Variants in JAG2 observed in about 807,000 individuals in gnomAD.
The protein encoded by JAG2 is protein jagged-2.
Under a neutral mutation model 141.7 loss-of-function variants are expected in JAG2, and 46 were observed. The ratio of observed to expected loss-of-function variants is 0.32; its 90% CI spans 0.26 to 0.42. The LOEUF (loss-of-function observed/expected upper bound fraction) is 0.42, where lower values mean the gene tolerates loss of function less well. Among genes scored for constraint, JAG2 ranks in the 10% least tolerant of loss-of-function variants. The probability of loss-of-function intolerance (pLI) is 1.00; values close to 1 mark genes in which losing one functional copy is unlikely to be tolerated. For missense variants in JAG2, 1,500 were observed against 1,817.5 expected, an observed-to-expected ratio of 0.83 and a Z score of 3.18; for synonymous variants, 862 against 763.5, an observed-to-expected ratio of 1.13 and a Z score of -2.13.
At chr14:105,159,009 A>G (rs887649696) in intron 2 of JAG2, among the ~76,000 whole-genome samples, 31 of 151,722 alleles carry the variant, frequency 2.0e-4, no homozygotes, top group African/African-American at 7.3e-4. Flanking sequence ...CCTCGGCCTC[A>G]TCCAGCTAAG....
intron 2 of JAG2, among the ~76,000 whole-genome samples, chr14:105,162,387 T>A (rs587626573): frequency 7.8e-6 from 1 of 127,744 alleles, no homozygotes; most frequent in Non-Finnish European, 1.7e-5. Flanking sequence ...CCCCTCCTCC[T>A]GTCCCCAGGC....
In JAG2 at chr14:105,152,090, GCCGGCCC is replaced by G. The variant is rs752959094; in HGVS notation, c.920-40_920-34del. The G allele has an allele frequency of 2.9e-5, 47 of 1,613,016 alleles. No homozygotes were observed. The East Asian group carries it at 1.0e-3, about 36-fold the overall frequency. On this transcript the variant is annotated intron_variant, in intron 6 of 25. Transcript: ENST00000331782. ...CAGGGGTGGGATGCTCAGGGGAAAA[GCCGGCCC>G]CCCGCTCCCCCACAACCCACACTTC...
At position 105,149,582 on chromosome 14, in the gene JAG2, G is replaced by C. The variant is rs587745527; in HGVS notation, c.1603-262C>G. On this transcript the variant is annotated intron_variant, in intron 12 of 25. Coordinates refer to ENST00000331782, the MANE Select transcript of JAG2 (RefSeq NM_002226.5). ...TGTCCCTCGGGAGGAGTGTGGCCTT[G>C]GCCCCTGCTGCTGGCAGGAAGGACA... is the stretch of plus-strand genomic sequence containing the variant. 7.9e-5 allele frequency among the ~76,000 whole-genome samples: 12 copies of C among 151,986 alleles called. No individual in the cohort carries two copies. The East Asian group carries it at 2.4e-3, about 30-fold the overall frequency.
chr14:105,144,512 C>T (rs1439798673), intron 24 of JAG2, among the ~76,000 whole-genome samples: 3 of 152,178 alleles, frequency 2.0e-5, no homozygotes, highest in African/African-American at 7.2e-5. Context: ...CCGGGCATGT[C>T]TCCACCCCAG....
intron 2 of JAG2, among the ~76,000 whole-genome samples, chr14:105,164,423 C>A (rs587757824): frequency 6.6e-6 from 1 of 152,338 alleles, no homozygotes; most frequent in African/African-American, 2.4e-5. Flanking sequence ...CATACCAGAC[C>A]AGCCAGCTCT....
At chr14:105,165,584 C>T (rs941570269) in intron 2 of JAG2, among the ~76,000 whole-genome samples, 8 of 152,232 alleles carry the variant, frequency 5.3e-5, no homozygotes, top group Non-Finnish European at 1.2e-4. Flanking sequence ...TAATAGCACA[C>T]AGACCCCGGC....
chr14:105,153,741 C>A (rs587723830), intron 5 of JAG2, among the ~76,000 whole-genome samples: 1 of 152,336 alleles, frequency 6.6e-6, no homozygotes, highest in East Asian at 1.9e-4. Context: ...CCCCCAGACT[C>A]CGGCTCATCT....
chr14:105,146,051 G>A (rs1888213607), intron 22 of JAG2, 78 bp from the exon 23 acceptor site: 1 of 1,542,270 alleles, frequency 6.5e-7, no homozygotes, highest in Non-Finnish European at 8.7e-7. Context: ...AGAACCCACA[G>A]GCAGGCACGG....
chr14:105,167,336 C>T lies in JAG2; in HGVS notation c.417+421G>A, dbSNP rs771420125. Among the ~76,000 whole-genome samples the T allele has an allele frequency of 2.0e-5, 3 of 152,218 alleles. No individual in the cohort carries two copies. Among genetic ancestry groups the T allele is most frequent in the South Asian group, 2.1e-4 (1 of 4,832 alleles). ...GGCATCCAGGAAACTGCAGGGCAGG[C>T]GCAGGCTGGCCACGGGCCCGGGGCG... On this transcript the variant is annotated intron_variant, in intron 2 of 25. Coordinates refer to ENST00000331782, the MANE Select transcript of JAG2 (RefSeq NM_002226.5). This position sits in a 1 kb window ranked among gnomAD's most constrained non-coding sequence, Gnocchi z 4.8.
In JAG2 at chr14:105,144,949, C is replaced by A; in HGVS notation, c.3065G>T (p.Ser1022Ile). The A allele has an allele frequency of 6.2e-7, 1 of 1,601,158 alleles. No homozygotes were observed. The highest frequency in any genetic ancestry group is 8.5e-7 in the Non-Finnish European group (1 of 1,176,958). Residue 1022 changes from serine (S) to isoleucine (I), a missense_variant, in exon 24 of 26, where the codon AGT (serine) becomes ATT (isoleucine). Physicochemically the swap from Ser to Ile is moderately radical, Grantham distance 142. This residue lies in a region of JAG2 where 425 missense variants were observed against 441.0 expected (regional missense o/e 0.96). Transcript: ENST00000331782. Reference sequence around the variant, plus strand: ...ACTCACCACGGCCACCTCCACAGCACTGGCCCCCGAGGACGCCCGGTCGCA... The same window carrying A: ...ACTCACCACGGCCACCTCCACAGCAATGGCCCCCGAGGACGCCCGGTCGCA... ...LLCDRASSGASAVEVAVSFSP... is the reference protein window; with the variant it reads ...LLCDRASSGAIAVEVAVSFSP...
At chr14:105,151,779 C>A (rs1352890486) in intron 7 of JAG2, 40 bp from the exon 8 acceptor site, 8 of 1,597,694 alleles carry the variant, frequency 5.0e-6, no homozygotes, top group Admixed American at 1.7e-5. Flanking sequence ...GGCAGCCAGG[C>A]CCCCAGCTTT....
In JAG2 at chr14:105,162,680, G is replaced by T. The variant is rs587660922; in HGVS notation, c.418-4917C>A. On this transcript the variant is annotated intron_variant, in intron 2 of 25. Coordinates refer to ENST00000331782, the MANE Select transcript of JAG2 (RefSeq NM_002226.5). ...CACCTTAAAGCCCAGGACACCTCAG[G>T]TCCAAGGCACCCAAAGTACAGAGTA... Among the ~76,000 whole-genome samples the T allele has an allele frequency of 2.2e-4, 32 of 144,076 alleles. 2 individuals are homozygous for T. The highest frequency in any genetic ancestry group is 1.5e-3 in the Admixed American group (22 of 14,702). 94.5% of individuals were successfully genotyped at this position (144,076 alleles called of 152,430 possible). A position where few individuals can be genotyped will look rare whatever the true frequency, so the allele number is the denominator to read the frequency against.
chr14:105,144,022 A>G (rs1455309739), intron 24 of JAG2, among the ~76,000 whole-genome samples: 2 of 109,688 alleles, frequency 1.8e-5, no homozygotes, highest in Non-Finnish European at 3.7e-5. Context: ...GGAGGGGTGG[A>G]GGGTGTCCCC....
At chr14:105,158,690 A>AC (rs967145786) in intron 2 of JAG2, among the ~76,000 whole-genome samples, 8 of 150,978 alleles carry the variant, frequency 5.3e-5, no homozygotes, top group Middle Eastern at 6.8e-3. Flanking sequence ...CTGCCCAGGA[A>AC]CCCCCCAGTC....
intron 12 of JAG2, among the ~76,000 whole-genome samples, chr14:105,149,818 G>C (rs1473819583): frequency 7.8e-6 from 1 of 128,768 alleles, no homozygotes; most frequent in African/African-American, 3.0e-5. Context: ...GGTGGGGGGA[G>C]GCAGGGAAAA....
At position 105,149,186 on chromosome 14, in the gene JAG2, AGGGCACGGCTCGCG is replaced by A; in HGVS notation, c.1723_1736del (p.Arg575TrpfsTer46). On this transcript the variant is annotated frameshift_variant, in exon 13 of 26. Coordinates refer to ENST00000331782, the MANE Select transcript of JAG2 (RefSeq NM_002226.5). LOFTEE classifies it high-confidence loss of function. ...ACCCAGCACCTCTGCAGGCCCCGCCAGGGCACGGCTCGCGGGGCACGGAGCAGTTCTTGCCACCA... is the reference window on the plus strand; with the variant it reads ...ACCCAGCACCTCTGCAGGCCCCGCCAGGGCACGGAGCAGTTCTTGCCACCA... 7.6e-7 allele frequency: 1 copy of A among 1,316,300 alleles called. No homozygotes were observed. Among genetic ancestry groups the A allele is most frequent in the Non-Finnish European group, 9.9e-7 (1 of 1,008,120 alleles). The allele number at this position is 1,316,300 out of a possible 1,614,324, so 81.5% of individuals were successfully genotyped here. A position where few individuals can be genotyped will look rare whatever the true frequency, so the allele number is the denominator to read the frequency against.
At chr14:105,146,069 G>A in intron 22 of JAG2, 96 bp from the exon 23 acceptor site, 2 of 1,522,898 alleles carry the variant, frequency 1.3e-6, no homozygotes, top group Non-Finnish European at 1.8e-6. Flanking sequence ...CGGGCCCCAT[G>A]CCAAGGAGGG....
chr14:105,151,473 C>A, intron 8 of JAG2, 77 bp from the exon 9 acceptor site: 3 of 1,438,184 alleles, frequency 2.1e-6, no homozygotes, highest in Non-Finnish European at 2.9e-6. Context: ...GGTGGCGCTG[C>A]AAGCCTGGGT....
At chr14:105,151,163 C>T (rs1002247615) in intron 9 of JAG2, 59 bp from the exon 10 acceptor site, 26 of 1,534,426 alleles carry the variant, frequency 1.7e-5, no homozygotes, top group Non-Finnish European at 2.2e-5. Flanking sequence ...CCCTGCAGCA[C>T]GGGCACCTGG....
Sources: gnomAD v4.1 joint callset for allele counts (sites outside exome capture counted in the v4.1 genomes callset) on GRCh38, gnomAD v4.1.1 for gene constraint, gnomAD v4.1.1 regional missense constraint, Gnocchi (gnomAD v3.1) non-coding constraint, MANE v1.5 for transcripts, NCBI Gene and HGNC (gene_info 2026-07-23, HGNC 2026-07-21) for gene names.